Variants in COL24A1 observed in about 807,000 individuals in gnomAD.
COL24A1 encodes collagen type XXIV alpha 1 chain, also known as collagen alpha-1(XXIV) chain.
In COL24A1, 224 loss-of-function variants were observed where a neutral mutation model predicts 253.9. The observed-to-expected ratio is 0.88, with a 90% CI of 0.79 to 0.99. COL24A1 has a LOEUF of 0.99. COL24A1 is among the 50% of genes least tolerant of loss of function. The pLI is 0.00. For missense variants in COL24A1, 2,131 were observed against 2,068.5 expected (o/e 1.03, Z -0.59); for synonymous variants, 685 against 673.7 (o/e 1.02, Z -0.26).
At chr1:85,829,322 G>A (rs12131466) in intron 43 of COL24A1, among the ~76,000 whole-genome samples, 48,292 of 150,808 alleles carry the variant, frequency 0.32, 9,094 homozygotes, top group Non-Finnish European at 0.42. Context: ...TCCTTTGTGG[G>A]TAACCCGACC....
intron 55 of COL24A1, among the ~76,000 whole-genome samples, chr1:85,755,004 A>G (rs1041446407): frequency 6.6e-6 from 1 of 152,184 alleles, no homozygotes; most frequent in African/African-American, 2.4e-5. Flanking sequence ...CAGACACATC[A>G]TAATCAAACT....
intron 32 of COL24A1, among the ~76,000 whole-genome samples, chr1:85,880,375 T>A (rs148200154): frequency 4.9e-4 from 75 of 152,340 alleles, no homozygotes; most frequent in African/African-American, 1.8e-3. Flanking sequence ...CCTGTTATGC[T>A]ACAATCTCAT....
intron 50 of COL24A1, 27 bp downstream of exon 50, chr1:85,784,086 A>G: frequency 6.4e-7 from 1 of 1,561,824 alleles, no homozygotes; most frequent in African/African-American, 1.4e-5. Flanking sequence ...GATAGCTAGA[A>G]GACTAGAAGA....
intron 24 of COL24A1, among the ~76,000 whole-genome samples, chr1:85,913,389 C>T (rs1024389542): frequency 5.9e-5 from 9 of 152,076 alleles, no homozygotes; most frequent in African/African-American, 2.2e-4. Context: ...TCTCCTATAA[C>T]TAGTATTTTG....
intron 7 of COL24A1, among the ~76,000 whole-genome samples, chr1:86,079,029 G>T (rs1389663017): frequency 6.6e-6 from 1 of 151,990 alleles, no homozygotes; most frequent in African/African-American, 2.4e-5. Context: ...AAAACTAGAG[G>T]AATCACATTA....
intron 37 of COL24A1, among the ~76,000 whole-genome samples, chr1:85,852,166 C>A (rs1444103603): frequency 6.6e-6 from 1 of 151,868 alleles, no homozygotes; most frequent in Non-Finnish European, 1.5e-5. Flanking sequence ...ATTTGGATAA[C>A]CAATTGTACT....
intron 53 of COL24A1, among the ~76,000 whole-genome samples, chr1:85,762,180 C>T (rs141337423): frequency 7.2e-5 from 11 of 152,206 alleles, no homozygotes; most frequent in Non-Finnish European, 1.6e-4. Flanking sequence ...TACATCTGTT[C>T]AAAAGTAACT....
At chr1:85,986,681 C>G in intron 20 of COL24A1, among the ~76,000 whole-genome samples, 1 of 151,838 alleles carries the variant, frequency 6.6e-6, no homozygotes, top group African/African-American at 2.4e-5. Context: ...TGACTATAAA[C>G]GAGATAATGT....
At chr1:86,092,135 T>C in intron 6 of COL24A1, 132 bp downstream of exon 6, 1 of 672,216 alleles carries the variant, frequency 1.5e-6, no homozygotes, top group Non-Finnish European at 2.4e-6. Flanking sequence ...TCTTCCTTCA[T>C]TAAAATCCAA....
Position 85,877,156 on chromosome 1 carries a change from C to T in COL24A1, c.2996G>A (p.Gly999Asp), listed in dbSNP as rs1307098422. The T allele has an allele frequency of 1.2e-6, 2 of 1,606,052 alleles. No individual in the cohort carries two copies. Among genetic ancestry groups the T allele is most frequent in the African/African-American group, 2.7e-5 (2 of 74,568 alleles). ...PGEPGLRGLQ[G>D]DVGPPGEMGM... ...CATTTCTCCAGGAGGTCCAACATCACCTTGCAGTCCTCGCAGTCCCTATAT... is the reference window on the plus strand; with the variant it reads ...CATTTCTCCAGGAGGTCCAACATCATCTTGCAGTCCTCGCAGTCCCTATAT... The change falls in exon 33 of 60, where the codon GGT (glycine) becomes GAT (aspartate). Residue 999 changes from glycine (G) to aspartate (D), a missense_variant. Coordinates refer to ENST00000370571, the MANE Select transcript of COL24A1 (RefSeq NM_152890.7).
At chr1:86,024,002 C>A (rs1225401756) in intron 14 of COL24A1, among the ~76,000 whole-genome samples, 1 of 151,936 alleles carries the variant, frequency 6.6e-6, no homozygotes, top group Non-Finnish European at 1.5e-5. Flanking sequence ...AGAATGTTAC[C>A]TCTTGTAGTT....
intron 4 of COL24A1, 112 bp downstream of exon 4, chr1:86,115,213 T>G (rs1571971160): frequency 2.0e-6 from 2 of 1,017,160 alleles, no homozygotes; most frequent in African/African-American, 3.3e-5. Flanking sequence ...GGACTAAGTT[T>G]GAAGATCCAG....
chr1:85,825,492 TCAC>T (rs1374445514), intron 43 of COL24A1, among the ~76,000 whole-genome samples: 1 of 152,208 alleles, frequency 6.6e-6, no homozygotes, highest in African/African-American at 2.4e-5. Context: ...CCCTGAGGAA[TCAC>T]CACACTGACT....
intron 32 of COL24A1, among the ~76,000 whole-genome samples, chr1:85,883,412 G>T (rs1682105191): frequency 6.6e-6 from 1 of 150,804 alleles, no homozygotes; most frequent in African/African-American, 2.4e-5. Flanking sequence ...GTAGAGATGG[G>T]GTTTTACCAT....
rs200638964 is a variant in COL24A1, at chr1:85,868,529, G to T, written c.3290C>A (p.Thr1097Lys). The T allele has an allele frequency of 2.5e-5, 41 of 1,612,932 alleles. No homozygotes were observed. In the Admixed American group the frequency reaches 2.8e-4, roughly 11 times the overall value. ...CCCAGCAGTACTTACCGGAAGGCCT[G>T]TTTGGCCTGATCTACCCAAGGGTCC... ...IIGPLGRSGQ[T>K]GLPGPEGIVG... The change falls in exon 37 of 60, where the codon ACA (threonine) becomes AAA (lysine). Residue 1097 changes from threonine (T) to lysine (K), a missense_variant. Physicochemically the swap from Thr to Lys is moderately conservative, Grantham distance 78. Transcript: ENST00000370571.
chr1:85,740,701 GC>G (rs1664515639), intron 57 of COL24A1, among the ~76,000 whole-genome samples: 1 of 151,758 alleles, frequency 6.6e-6, no homozygotes, highest in Non-Finnish European at 1.5e-5. Flanking sequence ...AAAAATGTTG[GC>G]CTGAAGTGAT....
rs756517375 is a variant in COL24A1 at position 86,125,939 on chromosome 1, A to G, written c.397T>C (p.Leu133=). 2 of 1,613,440 alleles carry G rather than the reference A, an allele frequency of 1.2e-6. No homozygotes were observed. The highest frequency in any genetic ancestry group is 1.7e-5 in the Admixed American group (1 of 59,824). The change falls in exon 3 of 60, where the codon TTA becomes CTA. Residue 133 remains leucine (L), a synonymous_variant. Transcript: ENST00000370571. ...TTTTTAGGTAGTAATTGTACTCCTA[A>G]TTGCAGTCTATTTTTATTTCTAATG... ...FSIRNKNRLQ[L]GVQLLPKKLV... is the part of the protein sequence containing the mutation.
intron 59 of COL24A1, among the ~76,000 whole-genome samples, chr1:85,733,708 T>C (rs945046827): frequency 1.3e-5 from 2 of 151,518 alleles, no homozygotes; most frequent in Non-Finnish European, 2.9e-5. Context: ...GCCTCCTGAG[T>C]AGCTGGGATT....
chr1:86,027,795 G>C (rs546269), intron 14 of COL24A1, among the ~76,000 whole-genome samples: 52,088 of 152,004 alleles, frequency 0.34, 9,708 homozygotes, highest in Middle Eastern at 0.52. Context: ...GTAGATCCAC[G>C]AACAGCTTGC....
Sources: allele counts gnomAD v4.1 joint callset (sites outside exome capture counted in the v4.1 genomes callset), GRCh38; gene constraint gnomAD v4.1.1; transcripts MANE v1.5; gene names NCBI Gene and HGNC (gene_info 2026-07-23, HGNC 2026-07-21).